The following ENTPD3 variants were observed in gnomAD, a reference collection of about 807,000 sequenced individuals.
The protein encoded by ENTPD3 is CD39 antigen-like 3.
ENTPD3 carries 60 observed loss-of-function variants against 51.2 expected under a neutral mutation model. The ratio of observed to expected loss-of-function variants is 1.17; its 90% confidence interval spans 0.95 to 1.45. The LOEUF is 1.45. Ranked by LOEUF, ENTPD3 falls within the 40% of genes most tolerant of loss-of-function variation. The pLI is 0.00. For synonymous variants in ENTPD3, 221 were observed against 238.4 expected (o/e 0.93, Z 0.67); for missense variants, 593 against 641.1 (o/e 0.93, Z 0.81).
Position 40,427,495 on chromosome 3 carries a change from T to C in ENTPD3, c.1577T>C (p.Val526Ala). 1 of 1,613,820 alleles carries C rather than the reference T, an allele frequency of 6.2e-7. No individual in the cohort carries two copies. The highest frequency in any genetic ancestry group is 1.1e-5 in the South Asian group (1 of 91,058). ...TCCGAGCATGCCTTTGACCATGCAG[T>C]GGATTCTGACTGAGCCTTCAAAGCA... is the stretch of plus-strand genomic sequence containing the variant. The part of the protein sequence containing the change: ...RHSEHAFDHA[V>A]DSD The change falls in exon 11 of 11, where the codon GTG becomes GCG. Residue 526 changes from valine (V) to alanine (A), a missense_variant. Coordinates refer to ENST00000301825, the MANE Select transcript of ENTPD3 (RefSeq NM_001248.4).
intron 4 of ENTPD3, among the ~76,000 whole-genome samples, chr3:40,411,121 T>C (rs999253058): frequency 2.0e-5 from 3 of 151,592 alleles, no homozygotes; most frequent in Admixed American, 6.6e-5. Flanking sequence ...TGAAACCGTG[T>C]CTCTATAAAA....
intron 7 of ENTPD3, among the ~76,000 whole-genome samples, chr3:40,417,475 AACTC>A (rs1446422978): frequency 1.3e-5 from 2 of 152,138 alleles, no homozygotes; most frequent in South Asian, 4.2e-4. Context: ...ATCTCCTGAC[AACTC>A]ACTCACTATC....
At chr3:40,392,746 A>G (rs1212615818) in intron 3 of ENTPD3, among the ~76,000 whole-genome samples, 1 of 152,074 alleles carries the variant, frequency 6.6e-6, no homozygotes, top group Non-Finnish European at 1.5e-5. Flanking sequence ...GCTTGAGCCC[A>G]GGAGTTCAAG....
chr3:40,419,382 T>C (rs1042687259), intron 7 of ENTPD3, among the ~76,000 whole-genome samples: 9 of 152,280 alleles, frequency 5.9e-5, no homozygotes, highest in South Asian at 2.1e-4. Flanking sequence ...AATAAGTACT[T>C]AGATAATGAG....
chr3:40,412,031 G>C, intron 5 of ENTPD3, 69 bp downstream of exon 5: 1 of 1,411,264 alleles, frequency 7.1e-7, no homozygotes, highest in Non-Finnish European at 9.4e-7. Flanking sequence ...ATCTTGCCAA[G>C]AATGTAACTC....
intron 2 of ENTPD3, among the ~76,000 whole-genome samples, chr3:40,388,581 C>G (rs1954991093): frequency 1.6e-5 from 1 of 64,182 alleles, no homozygotes; most frequent in East Asian, 1.1e-3. Context: ...GGCACACACA[C>G]ACAGACACAC....
At chr3:40,400,221 T>C (rs1955316003) in intron 3 of ENTPD3, among the ~76,000 whole-genome samples, 1 of 145,268 alleles carries the variant, frequency 6.9e-6, no homozygotes, top group Admixed American at 7.2e-5. Flanking sequence ...GCTGAGATCG[T>C]GCCACTGCAA....
chr3:40,411,601 T>C (rs1275602767), intron 4 of ENTPD3, among the ~76,000 whole-genome samples: 1 of 152,224 alleles, frequency 6.6e-6, no homozygotes, highest in African/African-American at 2.4e-5. Flanking sequence ...AAGTAGGCCC[T>C]GGCTTACTTT....
At chr3:40,392,983 C>A (rs1256582803) in intron 3 of ENTPD3, among the ~76,000 whole-genome samples, 1 of 151,270 alleles carries the variant, frequency 6.6e-6, no homozygotes, top group African/African-American at 2.4e-5. Flanking sequence ...AACAACACCC[C>A]CCCGGCAAAA....
At chr3:40,424,298 C>A (rs562389529) in intron 10 of ENTPD3, 18 of 359,860 alleles carry the variant, frequency 5.0e-5, no homozygotes, top group African/African-American at 4.0e-4. Context: ...TGGTTGAATT[C>A]ATAAATAAAT....
intron 7 of ENTPD3, among the ~76,000 whole-genome samples, chr3:40,419,286 T>C (rs999076268): frequency 6.6e-6 from 1 of 152,172 alleles, no homozygotes; most frequent in African/African-American, 2.4e-5. Flanking sequence ...TAGGTAATCT[T>C]CCAACAAAAT....
intron 7 of ENTPD3, among the ~76,000 whole-genome samples, chr3:40,419,465 G>A (rs541047172): frequency 2.6e-5 from 4 of 152,112 alleles, no homozygotes; most frequent in African/African-American, 9.6e-5. Context: ...TGTTCTACTT[G>A]CAAAAGTCTA....
In ENTPD3 at chr3:40,414,647, G is replaced by C. The variant is rs1157283364; in HGVS notation, c.438-34G>C. The C allele has an allele frequency of 3.1e-6, 5 of 1,610,808 alleles. No individual in the cohort carries two copies. The Admixed American group carries it at 8.4e-5, about 27-fold the overall frequency. ...TGTATTTTAAGACTGTATTGTCTGG[G>C]CACTCAGACTTGTTTGTTCTGTGCC... On this transcript the variant is annotated intron_variant, in intron 5 of 10. Transcript: ENST00000301825.
chr3:40,391,483 C>T (rs983421070), intron 2 of ENTPD3: 1 of 152,398 alleles, frequency 6.6e-6, no homozygotes, highest in Admixed American at 6.6e-5. Flanking sequence ...TCGAGACCAG[C>T]CTGGCCAACA....
intron 3 of ENTPD3, among the ~76,000 whole-genome samples, chr3:40,397,115 GTTTCT>G (rs1318286300): frequency 0.017 from 397 of 23,878 alleles, 2 homozygotes; most frequent in Middle Eastern, 0.075. Flanking sequence ...TGGATAATTA[GTTTCT>G]TTTTTTTTTT....
chr3:40,401,656 C>T (rs1955360356), intron 4 of ENTPD3, among the ~76,000 whole-genome samples: 1 of 152,152 alleles, frequency 6.6e-6, no homozygotes, highest in Non-Finnish European at 1.5e-5. Context: ...GGCTCTGTTC[C>T]AGTAAAGCTT....
At chr3:40,399,247 TACA>T (rs1015754856) in intron 3 of ENTPD3, among the ~76,000 whole-genome samples, 2 of 152,152 alleles carry the variant, frequency 1.3e-5, no homozygotes, top group Non-Finnish European at 2.9e-5. Flanking sequence ...TTAGAAAAGA[TACA>T]ACAAGGGCTA....
chr3:40,392,543 G>A (rs1374167948), intron 3 of ENTPD3: 1 of 161,730 alleles, frequency 6.2e-6, no homozygotes, highest in Non-Finnish European at 1.3e-5. Flanking sequence ...TTCGAGACTA[G>A]CTTGGGCAAC....
chr3:40,427,686 A>G lies in ENTPD3; in HGVS notation c.*178A>G, dbSNP rs995755865. 6.6e-6 allele frequency: 4 copies of G among 606,372 alleles called. No individual in the cohort carries two copies. The highest frequency in any genetic ancestry group is 5.6e-5 in the African/African-American group (3 of 53,910). The allele number at this position is 606,372 out of a possible 1,614,324, so 37.6% of individuals were successfully genotyped here. ...GCACCTCTTGAGGCATCCCTTGGCT[A>G]TTCTGTGCATATTGTTCTTCAGAGA... is the stretch of plus-strand genomic sequence containing the variant. On this transcript the variant is annotated 3_prime_UTR_variant, in exon 11 of 11. Transcript: ENST00000301825.
Sources: gnomAD v4.1 joint callset for allele counts (sites outside exome capture counted in the v4.1 genomes callset) on GRCh38, gnomAD v4.1.1 for gene constraint, MANE v1.5 for transcripts, NCBI Gene and HGNC (gene_info 2026-07-23, HGNC 2026-07-21) for gene names.